TXN: variants seen among roughly 807,000 people sequenced by gnomAD.
The protein encoded by TXN is ADF.
A neutral mutation model predicts 16.5 loss-of-function variants in TXN; 10 were observed. That is an observed-to-expected ratio of 0.61 (90% CI 0.37 to 1.03). TXN has a LOEUF of 1.03. Ranked by LOEUF, TXN falls within the 50% of genes least tolerant of loss-of-function variation. The probability of loss-of-function intolerance (pLI) is 0.01; values close to 1 mark genes in which losing one functional copy is unlikely to be tolerated. For missense variants in TXN, 71 were observed against 122.5 expected, an observed-to-expected ratio of 0.58 and a Z score of 1.98; for synonymous variants, 35 against 39.4, an observed-to-expected ratio of 0.89 and a Z score of 0.42.
At position 110,244,033 on chromosome 9, in the gene TXN, AT is replaced by A. The variant is rs1251844964; in HGVS notation, c.*123del. On this transcript the variant is annotated 3_prime_UTR_variant, in exon 5 of 5. Coordinates refer to ENST00000374517, the MANE Select transcript of TXN (RefSeq NM_003329.4). Reference sequence around the variant, plus strand: ...TGAGACGGTTTTAAAAAGTGTTAGCATTAATGTTTTATTGTCACGCAGATGG... The same window carrying A: ...TGAGACGGTTTTAAAAAGTGTTAGCATAATGTTTTATTGTCACGCAGATGG... 5 of 401,662 alleles carry A rather than the reference AT, an allele frequency of 1.2e-5. No homozygotes were observed. The highest frequency in any genetic ancestry group is 1.1e-4 in the African/African-American group (5 of 47,478). 24.9% of individuals were successfully genotyped at this position (401,662 alleles called of 1,614,324 possible). A position where few individuals can be genotyped will look rare whatever the true frequency, so the allele number is the denominator to read the frequency against.
chr9:110,251,575 T>A, intron 1 of TXN, 113 bp from the exon 2 acceptor site: 1 of 186,620 alleles, frequency 5.4e-6, no homozygotes. Flanking sequence ...TTTCAGGACC[T>A]ACTTTTTAGC....
chr9:110,251,315 A>G lies in TXN; in HGVS notation c.129+43T>C, dbSNP rs201616240. 19 of 1,499,266 alleles carry G rather than the reference A, an allele frequency of 1.3e-5. No homozygotes were observed. In the East Asian group the frequency reaches 4.1e-4, roughly 32 times the overall value. The allele number at this position is 1,499,266 out of a possible 1,614,324, so 92.9% of individuals were successfully genotyped here. On this transcript the variant is annotated intron_variant, in intron 2 of 4. Transcript: ENST00000374517. Reference sequence around the variant, plus strand: ...CCTACCACTGTGACCACCAACTCAAAAAACACAAATCTCTTACAAAGCAGA... The same window carrying G: ...CCTACCACTGTGACCACCAACTCAAGAAACACAAATCTCTTACAAAGCAGA...
chr9:110,246,311 C>A (rs952994726), intron 3 of TXN, among the ~76,000 whole-genome samples: 3 of 152,140 alleles, frequency 2.0e-5, no homozygotes, highest in Non-Finnish European at 2.9e-5. Context: ...GTTACCACAG[C>A]TAAAGATTTT....
At chr9:110,254,995 G>A (rs1837787199) in intron 1 of TXN, among the ~76,000 whole-genome samples, 1 of 152,190 alleles carries the variant, frequency 6.6e-6, no homozygotes, top group Non-Finnish European at 1.5e-5. Context: ...CAACACATGA[G>A]GGCTGCTAAA....
At chr9:110,251,301 G>C in intron 2 of TXN, 57 bp downstream of exon 2, 4 of 1,293,374 alleles carry the variant, frequency 3.1e-6, no homozygotes, top group Non-Finnish European at 4.5e-6. Context: ...CTACCACTGT[G>C]ACCACCAACT....
intron 3 of TXN, among the ~76,000 whole-genome samples, chr9:110,246,252 C>T (rs751152639): frequency 2.0e-5 from 3 of 152,070 alleles, no homozygotes; most frequent in Non-Finnish European, 2.9e-5. Context: ...TTCCTAACAT[C>T]GCAAATTGGG....
Position 110,244,265 on chromosome 9 carries a change from C to G in TXN, c.256-46G>C, listed in dbSNP as rs201184802. On this transcript the variant is annotated intron_variant, in intron 4 of 4. Coordinates refer to ENST00000374517, the MANE Select transcript of TXN (RefSeq NM_003329.4). ...TGACATTAGACGTAGCACTGTAGCA[C>G]TGTTTTATACATAAAATATGTATAA... 5.9e-4 allele frequency: 564 copies of G among 953,086 alleles called. 1 individual carries two copies. Among genetic ancestry groups the G allele is most frequent in the Middle Eastern group, 2.9e-3 (12 of 4,142 alleles). 59.0% of individuals were successfully genotyped at this position (953,086 alleles called of 1,614,324 possible).
chr9:110,245,007 C>T (rs764790510), intron 3 of TXN, 164 bp from the exon 4 acceptor site: 1 of 513,774 alleles, frequency 1.9e-6, no homozygotes, highest in Non-Finnish European at 3.6e-6. Context: ...AATATAATGG[C>T]ATTACAAAAG....
chr9:110,252,808 C>T (rs891344584), intron 1 of TXN, among the ~76,000 whole-genome samples: 1 of 152,242 alleles, frequency 6.6e-6, no homozygotes, highest in African/African-American at 2.4e-5. Flanking sequence ...CCAGTCCCAG[C>T]TAATTTTTGT....
At chr9:110,249,883 G>A (rs1327979135) in intron 3 of TXN, among the ~76,000 whole-genome samples, 2 of 152,200 alleles carry the variant, frequency 1.3e-5, no homozygotes, top group Non-Finnish European at 2.9e-5. Flanking sequence ...AGCCAGGACT[G>A]GAAGCCAGGT....
chr9:110,254,053 A>T (rs899607746), intron 1 of TXN, among the ~76,000 whole-genome samples: 4 of 152,004 alleles, frequency 2.6e-5, no homozygotes, highest in Admixed American at 6.6e-5. Context: ...CATTTTTTTT[A>T]AAAGTGTTTA....
chr9:110,250,483 C>T (rs1837718771), intron 3 of TXN, among the ~76,000 whole-genome samples: 3 of 152,210 alleles, frequency 2.0e-5, no homozygotes, highest in Non-Finnish European at 4.4e-5. Flanking sequence ...TTTGGTGACT[C>T]CATCAAGCCT....
chr9:110,256,336 C>T lies in TXN; in HGVS notation c.24+76G>A, dbSNP rs535233649. On this transcript the variant is annotated intron_variant, in intron 1 of 4. Coordinates refer to ENST00000374517, the MANE Select transcript of TXN (RefSeq NM_003329.4). This position sits in a 1 kb window ranked among gnomAD's most constrained non-coding sequence, Gnocchi z 4.2. ...GCACCTCCCGCCACCGCCTTCCCCA[C>T]CTCCCGCCACCGCCTTCCCCAGTTA... The T allele has an allele frequency of 1.3e-6, 2 of 1,497,258 alleles. No individual in the cohort carries two copies. Among genetic ancestry groups the T allele is most frequent in the South Asian group, 1.2e-5 (1 of 84,270 alleles). The allele number at this position is 1,497,258 out of a possible 1,614,324, so 92.7% of individuals were successfully genotyped here. A position where few individuals can be genotyped will look rare whatever the true frequency, so the allele number is the denominator to read the frequency against.
rs762097307 is a variant in TXN at position 110,244,843 on chromosome 9, C to T, written c.190G>A (p.Asp64Asn). 1 of 1,612,628 alleles carries T rather than the reference C, an allele frequency of 6.2e-7. No homozygotes were observed. Among genetic ancestry groups the T allele is most frequent in the Non-Finnish European group, 8.5e-7 (1 of 1,178,878 alleles). The change falls in exon 4 of 5, where the codon GAT becomes AAT. Residue 64 changes from aspartate to asparagine, a missense_variant and splice_region_variant. By Grantham distance (23) the Asp-to-Asn change is conservative (BLOSUM62 1). Transcript: ENST00000374517. ...FLEVDVDDCQ[D>N]VASECEVKCM... ...TTGACTTCACACTCTGAAGCAACATCCTGGTAGGGAAAGTAGCAAAGGGAG... is the reference window on the plus strand; with the variant it reads ...TTGACTTCACACTCTGAAGCAACATTCTGGTAGGGAAAGTAGCAAAGGGAG...
At chr9:110,250,956 T>A in intron 2 of TXN, 77 bp from the exon 3 acceptor site, 1 of 1,062,330 alleles carries the variant, frequency 9.4e-7, no homozygotes, top group Non-Finnish European at 1.4e-6. Flanking sequence ...GCTTCTTAAA[T>A]GGAAACTTAA....
chr9:110,254,189 T>C (rs1164789764), intron 1 of TXN, among the ~76,000 whole-genome samples: 1 of 152,216 alleles, frequency 6.6e-6, no homozygotes. Flanking sequence ...GGTGCAAATT[T>C]AGCCCATTAG....
At position 110,244,241 on chromosome 9, in the gene TXN, G is replaced by A. The variant is rs753092422; in HGVS notation, c.256-22C>T. Reference sequence around the variant, plus strand: ...CCACCTGTTAAGAGAATATTGAATTGACATTAGACGTAGCACTGTAGCACT... The same window carrying A: ...CCACCTGTTAAGAGAATATTGAATTAACATTAGACGTAGCACTGTAGCACT... On this transcript the variant is annotated intron_variant, in intron 4 of 4. Coordinates refer to ENST00000374517, the MANE Select transcript of TXN (RefSeq NM_003329.4). 3.6e-5 allele frequency: 53 copies of A among 1,477,958 alleles called. 1 individual carries two copies. The highest frequency in any genetic ancestry group is 3.6e-6 in the Non-Finnish European group (4 of 1,096,124). The allele number at this position is 1,477,958 out of a possible 1,614,324, so 91.6% of individuals were successfully genotyped here. A position where few individuals can be genotyped will look rare whatever the true frequency, so the allele number is the denominator to read the frequency against.
chr9:110,244,328 T>C (rs1031420960), intron 4 of TXN, 109 bp from the exon 5 acceptor site: 3 of 293,200 alleles, frequency 1.0e-5, no homozygotes, highest in East Asian at 7.7e-5. Flanking sequence ...TATGTATATA[T>C]ATACATATGT....
chr9:110,256,373 C>G lies in TXN; in HGVS notation c.24+39G>C. 1 of 1,595,620 alleles carries G rather than the reference C, an allele frequency of 6.3e-7. No individual in the cohort carries two copies. Among genetic ancestry groups the G allele is most frequent in the Non-Finnish European group, 8.5e-7 (1 of 1,171,530 alleles). On this transcript the variant is annotated intron_variant, in intron 1 of 4. Transcript: ENST00000374517. The surrounding 1 kb of genome is among the most constrained non-coding windows in gnomAD (Gnocchi z 4.2). ...GCCTTCCCCAGTTACAGAGGCCGCG[C>G]GCGGCGCCGGCACCCTGGCCTTCCC...
Sources: gnomAD v4.1 joint callset for allele counts (sites outside exome capture counted in the v4.1 genomes callset) on GRCh38, gnomAD v4.1.1 for gene constraint, Gnocchi (gnomAD v3.1) non-coding constraint, MANE v1.5 for transcripts, NCBI Gene and HGNC (gene_info 2026-07-23, HGNC 2026-07-21) for gene names.